EIF3K: variants seen among roughly 807,000 people sequenced by gnomAD.
EIF3K encodes the protein eIF-3 p28.
EIF3K carries 27 observed loss-of-function variants against 34.2 expected under a neutral mutation model. The ratio of observed to expected loss-of-function variants is 0.79; its 90% CI spans 0.58 to 1.09. The LOEUF (loss-of-function observed/expected upper bound fraction) is 1.09. Among genes scored for constraint, EIF3K ranks in the 50% least tolerant of loss-of-function variants. EIF3K has a pLI of 0.00. For synonymous variants in EIF3K, 105 were observed against 105.7 expected, an observed-to-expected ratio of 0.99 and a Z score of 0.04; for missense variants, 232 against 275.4, an observed-to-expected ratio of 0.84 and a Z score of 1.11.
intron 6 of EIF3K, among the ~76,000 whole-genome samples, chr19:38,633,237 G>A (rs192257664): frequency 2.0e-5 from 3 of 152,228 alleles, no homozygotes; most frequent in South Asian, 2.1e-4. Flanking sequence ...GTGGGGCCTC[G>A]GGAGGACCTT....
At chr19:38,621,647 GGCTCA>G (rs955895650) in intron 2 of EIF3K, among the ~76,000 whole-genome samples, 5 of 152,190 alleles carry the variant, frequency 3.3e-5, no homozygotes, top group Non-Finnish European at 7.3e-5. Context: ...GCATACATCT[GGCTCA>G]GCTCAGCTCA....
At chr19:38,632,960 T>C (rs1208730772) in intron 6 of EIF3K, 1 of 395,706 alleles carries the variant, frequency 2.5e-6, no homozygotes, top group Non-Finnish European at 4.5e-6. Flanking sequence ...CAATTCATTC[T>C]CATGGAGGTA....
chr19:38,630,347 ATTTT>A (rs71165567), intron 4 of EIF3K, among the ~76,000 whole-genome samples: 3 of 124,328 alleles, frequency 2.4e-5, no homozygotes, highest in South Asian at 2.7e-4. Context: ...TTATTTATTT[ATTTT>A]TTTTTTTTTT....
At chr19:38,624,668 A>G (rs6508811) in intron 3 of EIF3K, among the ~76,000 whole-genome samples, 16,450 of 151,922 alleles carry the variant, frequency 0.11, 1,946 homozygotes, top group African/African-American at 0.29. Context: ...AAGCTGGGAG[A>G]TGGAGGTTGC....
intron 7 of EIF3K, 161 bp downstream of exon 7, chr19:38,635,279 C>A: frequency 1.9e-6 from 2 of 1,031,602 alleles, no homozygotes; most frequent in South Asian, 1.5e-5. Flanking sequence ...GGGCTCCCGC[C>A]CAGGAGGAAT....
intron 3 of EIF3K, among the ~76,000 whole-genome samples, 177 bp from the exon 4 acceptor site, chr19:38,625,851 C>T (rs953465929): frequency 2.6e-5 from 4 of 152,192 alleles, no homozygotes; most frequent in African/African-American, 7.2e-5. Flanking sequence ...GTCCTGCAGC[C>T]AACATCCTTT....
chr19:38,620,470 C>T (rs530801327), intron 2 of EIF3K, 35 bp downstream of exon 2: 1 of 1,578,146 alleles, frequency 6.3e-7, no homozygotes, highest in South Asian at 1.1e-5. Context: ...ACTCCCATTG[C>T]AGCAACTAGC....
Position 38,636,924 on chromosome 19 carries a change from C to A in EIF3K, c.*4C>A. ...CATCATGGCCTCCTCCCAGTAACTT[C>A]AGGTGTTTAATAAAGATGTGTTGAC... is the stretch of plus-strand genomic sequence containing the variant. On this transcript the variant is annotated 3_prime_UTR_variant, in exon 8 of 8. Transcript: ENST00000248342. 6.2e-7 allele frequency: 1 copy of A among 1,614,136 alleles called. No homozygotes were observed. Among genetic ancestry groups the A allele is most frequent in the Non-Finnish European group, 8.5e-7 (1 of 1,180,008 alleles).
intron 6 of EIF3K, 52 bp downstream of exon 6, chr19:38,632,730 G>A (rs1976098015): frequency 6.6e-7 from 1 of 1,525,222 alleles, no homozygotes. Flanking sequence ...GGTGGCTAGG[G>A]CAGTGGACCT....
chr19:38,635,304 T>G (rs1599741726), intron 7 of EIF3K, 186 bp downstream of exon 7: 1 of 795,396 alleles, frequency 1.3e-6, no homozygotes, highest in Non-Finnish European at 2.0e-6. Flanking sequence ...GGGAGCTGGG[T>G]GATCTTCCCT....
intron 4 of EIF3K, among the ~76,000 whole-genome samples, chr19:38,629,399 A>G (rs1467972416): frequency 6.6e-6 from 1 of 152,120 alleles, no homozygotes; most frequent in Non-Finnish European, 1.5e-5. Flanking sequence ...GGCTCAAGTG[A>G]TCCCCGCACT....
chr19:38,622,914 G>C (rs1046873804), intron 2 of EIF3K, among the ~76,000 whole-genome samples: 1 of 152,248 alleles, frequency 6.6e-6, no homozygotes, highest in Non-Finnish European at 1.5e-5. Context: ...AGAGTTTAAG[G>C]TTCTCTCTCT....
intron 4 of EIF3K, among the ~76,000 whole-genome samples, chr19:38,628,327 C>G (rs2144772378): frequency 6.6e-6 from 1 of 152,294 alleles, no homozygotes; most frequent in Admixed American, 6.5e-5. Flanking sequence ...ATTTGGACAT[C>G]TGGCCAATGT....
chr19:38,630,353 T>A (rs549488305), intron 4 of EIF3K, among the ~76,000 whole-genome samples: 15 of 149,312 alleles, frequency 1.0e-4, no homozygotes, highest in East Asian at 5.8e-4. Flanking sequence ...ATTTATTTTT[T>A]TTTTTTTTTG....
Position 38,626,089 on chromosome 19 carries a change from T to C in EIF3K, c.341T>C (p.Phe114Ser). Residue 114 changes from phenylalanine to serine, a missense_variant, in exon 4 of 8, where the codon TTC becomes TCC. Transcript: ENST00000248342. ...YLGDLLETCHFQAFWQALDEN... is the reference protein window; with the variant it reads ...YLGDLLETCHSQAFWQALDEN... ...GGGGACCTGCTGGAGACCTGCCATTTCCAGGCCTTCTGGGTAACTTCCCTG... is the reference window on the plus strand; with the variant it reads ...GGGGACCTGCTGGAGACCTGCCATTCCCAGGCCTTCTGGGTAACTTCCCTG... 2.5e-6 allele frequency: 4 copies of C among 1,614,134 alleles called. No individual in the cohort carries two copies. The highest frequency in any genetic ancestry group is 3.4e-6 in the Non-Finnish European group (4 of 1,180,026).
At chr19:38,626,583 A>G (rs1403647846) in intron 4 of EIF3K, among the ~76,000 whole-genome samples, 1 of 152,174 alleles carries the variant, frequency 6.6e-6, no homozygotes, top group Non-Finnish European at 1.5e-5. Context: ...GCTGCGAGTG[A>G]GCCGTGATCA....
At chr19:38,627,123 G>A (rs1975966238) in intron 4 of EIF3K, among the ~76,000 whole-genome samples, 1 of 152,032 alleles carries the variant, frequency 6.6e-6, no homozygotes, top group African/African-American at 2.4e-5. Context: ...AGTGGCTGGG[G>A]TTACAGGCAT....
chr19:38,623,702 ATC>A lies in EIF3K; in HGVS notation c.159-367_159-366del, dbSNP rs200775206. Among the ~76,000 whole-genome samples, 1,484 of 151,960 alleles carry A rather than the reference ATC, an allele frequency of 9.8e-3. 28 individuals are homozygous for A. The highest frequency in any genetic ancestry group is 0.033 in the African/African-American group (1,370 of 41,438). On this transcript the variant is annotated intron_variant, in intron 2 of 7. Coordinates refer to ENST00000248342, the MANE Select transcript of EIF3K (RefSeq NM_013234.4). ...CTCCTCAGCCTTTCAGTGCCTCTTA[ATC>A]TCTCTCTTCTCTGCTCCTCGTGTCA...
intron 7 of EIF3K, among the ~76,000 whole-genome samples, chr19:38,635,995 A>G (rs921255817): frequency 1.3e-5 from 2 of 152,198 alleles, no homozygotes; most frequent in Non-Finnish European, 2.9e-5. Context: ...CAAACCAGCT[A>G]ATTTTGTACT....
Sources: gnomAD v4.1 joint callset for allele counts (sites outside exome capture counted in the v4.1 genomes callset) on GRCh38, gnomAD v4.1.1 for gene constraint, MANE v1.5 for transcripts, NCBI Gene and HGNC (gene_info 2026-07-23, HGNC 2026-07-21) for gene names.